RBPJ: variants seen among roughly 807,000 people sequenced by gnomAD.
RBPJ encodes the protein recombining binding protein suppressor of hairless.
In RBPJ, 9 loss-of-function variants were observed where a neutral mutation model predicts 67.8. The ratio of observed to expected loss-of-function variants is 0.13; its 90% CI spans 0.08 to 0.23. The LOEUF (loss-of-function observed/expected upper bound fraction) is 0.23, where lower values mean the gene tolerates loss of function less well. Among genes scored for constraint, RBPJ ranks in the 10% least tolerant of loss-of-function variants. The probability of loss-of-function intolerance (pLI) is 1.00; values close to 1 mark genes in which losing one functional copy is unlikely to be tolerated. For synonymous variants in RBPJ, 198 were observed against 203.3 expected (o/e 0.97, Z 0.22); for missense variants, 305 against 595.6 (o/e 0.51, Z 5.08).
At chr4:26,367,008 C>T (rs1728701784) in intron 1 of RBPJ, among the ~76,000 whole-genome samples, 1 of 151,882 alleles carries the variant, frequency 6.6e-6, no homozygotes, top group Non-Finnish European at 1.5e-5. Flanking sequence ...CCTGTAATCC[C>T]AGCTACTCGG....
At chr4:26,202,743 A>G (rs1718022699) in intron 1 of RBPJ, among the ~76,000 whole-genome samples, 3 of 151,968 alleles carry the variant, frequency 2.0e-5, no homozygotes, top group Admixed American at 2.0e-4. Flanking sequence ...TCCCATCTTT[A>G]CAAAAACATA....
chr4:26,413,063 C>T (rs1242485874), intron 3 of RBPJ: 2 of 152,432 alleles, frequency 1.3e-5, no homozygotes, highest in Non-Finnish European at 2.9e-5. Flanking sequence ...GACTTCCCTC[C>T]TCCCTCAGTT....
chr4:26,145,265 G>A, the RBPJ span, among the ~76,000 whole-genome samples: 2 of 152,022 alleles, frequency 1.3e-5, no homozygotes, highest in Admixed American at 6.6e-5. Context: ...TGTTGGAGTG[G>A]GTGGAGTCTT....
rs984803235 is a variant in RBPJ at position 26,384,376 on chromosome 4, A to G, written c.21-1977A>G. 1.1e-4 allele frequency among the ~76,000 whole-genome samples: 16 copies of G among 152,212 alleles called. 1 individual carries two copies. The highest frequency in any genetic ancestry group is 3.9e-4 in the African/African-American group (16 of 41,444). ...AACAGTATCTTAGGACAAATGAACA[A>G]AATGAACTAAATGGGATCCTATGAC... On this transcript the variant is annotated intron_variant, in intron 1 of 10. Coordinates refer to ENST00000355476, the MANE Select transcript of RBPJ (RefSeq NM_015874.6).
chr4:26,215,930 C>T (rs1718710306), intron 1 of RBPJ, among the ~76,000 whole-genome samples: 1 of 152,160 alleles, frequency 6.6e-6, no homozygotes, highest in Non-Finnish European at 1.5e-5. Context: ...AAATTATCAC[C>T]AGCTGAGTGG....
the RBPJ span, among the ~76,000 whole-genome samples, chr4:26,125,785 C>A: frequency 1.4e-5 from 2 of 145,576 alleles, no homozygotes; most frequent in African/African-American, 2.6e-5. Flanking sequence ...GGCAATAGAG[C>A]AAGACTCCAT....
At chr4:26,278,806 GA>G (rs1337737286) in intron 1 of RBPJ, among the ~76,000 whole-genome samples, 1 of 152,186 alleles carries the variant, frequency 6.6e-6, no homozygotes, top group Non-Finnish European at 1.5e-5. Flanking sequence ...TAGCAGATTT[GA>G]AGTAACAATG....
At chr4:26,140,032 T>C in the RBPJ span, among the ~76,000 whole-genome samples, 1 of 152,154 alleles carries the variant, frequency 6.6e-6, no homozygotes, top group South Asian at 2.1e-4. Context: ...ATTTAGGAGC[T>C]GTGTCATCTT....
intron 1 of RBPJ, among the ~76,000 whole-genome samples, chr4:26,216,751 C>T (rs1718734195): frequency 6.6e-6 from 1 of 152,064 alleles, no homozygotes; most frequent in South Asian, 2.1e-4. Context: ...GGCAAAACCC[C>T]ATCTCTACAA....
chr4:26,151,301 T>C, the RBPJ span, among the ~76,000 whole-genome samples: 6 of 152,200 alleles, frequency 3.9e-5, no homozygotes, highest in Non-Finnish European at 1.5e-5. Flanking sequence ...TAGCATAAAA[T>C]GGTTGCCAGC....
chr4:26,347,225 G>T (rs992515623), intron 1 of RBPJ, among the ~76,000 whole-genome samples: 1 of 152,072 alleles, frequency 6.6e-6, no homozygotes, highest in South Asian at 2.1e-4. Context: ...CCAGTTATAC[G>T]TGGCGATCCT....
intron 1 of RBPJ, among the ~76,000 whole-genome samples, chr4:26,298,525 G>A (rs1158980177): frequency 6.6e-6 from 1 of 152,182 alleles, no homozygotes; most frequent in Admixed American, 6.5e-5. Flanking sequence ...TAAATTAGTT[G>A]TGTGCCTCCC....
At chr4:26,128,966 G>A in the RBPJ span, among the ~76,000 whole-genome samples, 1 of 152,194 alleles carries the variant, frequency 6.6e-6, no homozygotes, top group Non-Finnish European at 1.5e-5. Flanking sequence ...CAGCTACGTG[G>A]AACTATGAGT....
At chr4:26,278,787 G>A (rs1193834122) in intron 1 of RBPJ, among the ~76,000 whole-genome samples, 2 of 152,156 alleles carry the variant, frequency 1.3e-5, no homozygotes, top group Non-Finnish European at 2.9e-5. Flanking sequence ...CTCAACTCTT[G>A]TCAGTTTCTA....
intron 1 of RBPJ, among the ~76,000 whole-genome samples, chr4:26,176,135 TAAAC>T (rs879382608): frequency 7.9e-5 from 12 of 152,256 alleles, no homozygotes; most frequent in Non-Finnish European, 1.2e-4. Flanking sequence ...GGGACATACT[TAAAC>T]AAACAAATAA....
At chr4:26,324,370 A>C (rs1234480314) in intron 1 of RBPJ, among the ~76,000 whole-genome samples, 2 of 150,258 alleles carry the variant, frequency 1.3e-5, no homozygotes, top group East Asian at 3.9e-4. Context: ...GGGACAAATA[A>C]AACAAATTAC....
chr4:26,143,071 C>A, the RBPJ span, among the ~76,000 whole-genome samples: 1 of 152,236 alleles, frequency 6.6e-6, no homozygotes, highest in African/African-American at 2.4e-5. Context: ...CGTAGCATTT[C>A]ACTATGTAAT....
At position 26,430,335 on chromosome 4, in the gene RBPJ, T is replaced by C. The variant is rs1736092893; in HGVS notation, c.1045-84T>C. ...ATTGCCCTTTTTTAAAAAAAACAAA[T>C]GAAAGTTGAATGAGAATCTAATTTG... On this transcript the variant is annotated intron_variant, in intron 9 of 10. Transcript: ENST00000355476. The surrounding 1 kb of genome is among the most constrained non-coding windows in gnomAD (Gnocchi z 4.1). 8.4e-7 allele frequency: 1 copy of C among 1,189,096 alleles called. No homozygotes were observed. 73.7% of individuals were successfully genotyped at this position (1,189,096 alleles called of 1,614,324 possible). A position where few individuals can be genotyped will look rare whatever the true frequency, so the allele number is the denominator to read the frequency against.
At chr4:26,327,168 G>A (rs1037861257) in intron 1 of RBPJ, among the ~76,000 whole-genome samples, 4 of 152,104 alleles carry the variant, frequency 2.6e-5, no homozygotes, top group Admixed American at 2.0e-4. Context: ...CATTAGACCT[G>A]CTGCTTAAGG....
Sources: gnomAD v4.1 joint callset for allele counts (sites outside exome capture counted in the v4.1 genomes callset) on GRCh38, gnomAD v4.1.1 for gene constraint, Gnocchi (gnomAD v3.1) non-coding constraint, MANE v1.5 for transcripts, NCBI Gene and HGNC (gene_info 2026-07-23, HGNC 2026-07-21) for gene names.